Variants in EPCAM observed in about 807,000 individuals in gnomAD.
EPCAM encodes the protein adenocarcinoma-associated antigen.
EPCAM carries 39 observed loss-of-function variants against 40.0 expected under a neutral mutation model. That is an observed-to-expected ratio of 0.98 (90% CI 0.76 to 1.27). The LOEUF (loss-of-function observed/expected upper bound fraction) is 1.27, where lower values mean the gene tolerates loss of function less well. Ranked by LOEUF, EPCAM falls within the 50% of genes most tolerant of loss-of-function variation. The pLI, the probability that EPCAM is intolerant of heterozygous loss-of-function variation, is 0.00. For synonymous variants in EPCAM, 168 were observed against 132.3 expected (o/e 1.27, Z -1.85); for missense variants, 503 against 381.2 (o/e 1.32, Z -2.66).
intron 1 of EPCAM, 174 bp downstream of exon 1, chr2:47,369,755 A>G: frequency 1.3e-6 from 1 of 751,326 alleles, no homozygotes; most frequent in South Asian, 1.5e-5. Flanking sequence ...GCGCGGTAGG[A>G]AACGGCGAGG....
intron 8 of EPCAM, among the ~76,000 whole-genome samples, chr2:47,386,347 C>G (rs1206414414): frequency 6.6e-6 from 1 of 152,128 alleles, no homozygotes; most frequent in African/African-American, 2.4e-5. Context: ...CCAACTTGCC[C>G]TAGTCACTTT....
At chr2:47,376,970 G>A (rs2103753076) in intron 4 of EPCAM, 44 bp from the exon 5 acceptor site, 1 of 1,288,538 alleles carries the variant, frequency 7.8e-7, no homozygotes, top group Middle Eastern at 1.9e-4. Flanking sequence ...ACTGTTGTGT[G>A]GTACAAACAT....
At chr2:47,375,188 G>A (rs2103749835) in intron 3 of EPCAM, 46 bp from the exon 4 acceptor site, 2 of 1,381,950 alleles carry the variant, frequency 1.4e-6, no homozygotes, top group East Asian at 2.3e-5. Flanking sequence ...AAAATAGTAT[G>A]GAAGACTGAG....
intron 7 of EPCAM, among the ~76,000 whole-genome samples, chr2:47,380,697 G>A (rs1022819234): frequency 6.6e-6 from 1 of 152,194 alleles, no homozygotes; most frequent in African/African-American, 2.4e-5. Flanking sequence ...GTAAAGATGA[G>A]CAAATTGAAT....
intron 5 of EPCAM, chr2:47,377,612 A>G: frequency 7.5e-6 from 2 of 268,442 alleles, no homozygotes; most frequent in South Asian, 7.8e-5. Context: ...AAAACGTAGT[A>G]TCTCTTAGTA....
intron 5 of EPCAM, among the ~76,000 whole-genome samples, chr2:47,378,343 C>G (rs1224761746): frequency 6.7e-6 from 1 of 149,170 alleles, no homozygotes; most frequent in Non-Finnish European, 1.5e-5. Flanking sequence ...CTCTTGTTGC[C>G]CAGGCTGGAG....
chr2:47,379,145 T>TA (rs1671508137), intron 6 of EPCAM, 91 bp downstream of exon 6: 1 of 793,872 alleles, frequency 1.3e-6, no homozygotes, highest in African/African-American at 1.7e-5. Flanking sequence ...TTTATCCACT[T>TA]ACAGATCAAC....
Position 47,373,976 on chromosome 2 carries a change from GTGT to G in EPCAM, c.354_356del (p.Cys118_Val119delinsTrp). 6.2e-7 allele frequency: 1 copy of G among 1,614,180 alleles called. No homozygotes were observed. The highest frequency in any genetic ancestry group is 2.2e-5 in the East Asian group (1 of 44,890). ...TGCAACGGCACCTCCATGTGCTGGT[GTGT>G]GAACACTGCTGGGGTCAGAAGAACA... On this transcript the variant is annotated inframe_deletion, in exon 3 of 9. Coordinates refer to ENST00000263735, the MANE Select transcript of EPCAM (RefSeq NM_002354.3).
intron 8 of EPCAM, among the ~76,000 whole-genome samples, 196 bp downstream of exon 8, chr2:47,385,406 G>C (rs1671718274): frequency 6.6e-6 from 1 of 152,158 alleles, no homozygotes; most frequent in Admixed American, 6.5e-5. Flanking sequence ...ATCACCATCT[G>C]TTTTCTGCCT....
Position 47,373,521 on chromosome 2 carries a change from A to T in EPCAM, c.135A>T (p.Gln45His). Reference sequence around the variant, plus strand: ...ACTGCTTTGTGAATAATAATCGTCAATGCCAGTGTACTTCAGTTGGTGCAC... The same window carrying T: ...ACTGCTTTGTGAATAATAATCGTCATTGCCAGTGTACTTCAGTTGGTGCAC... ...AVNCFVNNNR[Q>H]CQCTSVGAQN... is the part of the protein sequence containing the mutation. Residue 45 changes from glutamine to histidine, a missense_variant, in exon 2 of 9, where the codon CAA becomes CAT. By Grantham distance (24) the Gln-to-His change is conservative (BLOSUM62 0). Transcript: ENST00000263735. 1 of 1,613,962 alleles carries T rather than the reference A, an allele frequency of 6.2e-7. No individual in the cohort carries two copies. Among genetic ancestry groups the T allele is most frequent in the Non-Finnish European group, 8.5e-7 (1 of 1,179,906 alleles).
In EPCAM at chr2:47,379,772, A is replaced by G. The variant is rs1245606860; in HGVS notation, c.661A>G (p.Lys221Glu). The G allele has an allele frequency of 1.9e-6, 3 of 1,612,852 alleles. No homozygotes were observed. The highest frequency in any genetic ancestry group is 1.7e-6 in the Non-Finnish European group (2 of 1,179,684). ...CCTTTTCTCCTTTTCAATACAGGTT[A>G]AAGGTGAATCCTTGTTTCATTCTAA... ...DVAYYFEKDV[K>E]GESLFHSKKM... Residue 221 changes from lysine (K) to glutamate (E), a missense_variant, in exon 7 of 9, where the codon AAA becomes GAA. Physicochemically the swap from Lys to Glu is moderately conservative, Grantham distance 56. Transcript: ENST00000263735.
At chr2:47,384,293 G>A (rs975010312) in intron 7 of EPCAM, among the ~76,000 whole-genome samples, 1 of 151,112 alleles carries the variant, frequency 6.6e-6, no homozygotes, top group African/African-American at 2.4e-5. Flanking sequence ...TAGTAGAGAT[G>A]AGGTTTCACA....
chr2:47,373,625 A>C, intron 2 of EPCAM, 55 bp downstream of exon 2: 1 of 1,465,106 alleles, frequency 6.8e-7, no homozygotes, highest in Non-Finnish European at 9.5e-7. Flanking sequence ...ATACTTCTTT[A>C]ATTGATGTGC....
At chr2:47,382,732 C>G (rs1671626099) in intron 7 of EPCAM, among the ~76,000 whole-genome samples, 1 of 152,020 alleles carries the variant, frequency 6.6e-6, no homozygotes, top group Admixed American at 6.6e-5. Context: ...GGAAAATAGC[C>G]TGAGTGTGTA....
At chr2:47,375,193 A>C in intron 3 of EPCAM, 41 bp from the exon 4 acceptor site, 2 of 1,414,602 alleles carry the variant, frequency 1.4e-6, no homozygotes, top group Non-Finnish European at 2.0e-6. Context: ...AGTATGGAAG[A>C]CTGAGTTATA....
At chr2:47,382,406 GCC>G (rs1442021569) in intron 7 of EPCAM, among the ~76,000 whole-genome samples, 2 of 152,220 alleles carry the variant, frequency 1.3e-5, no homozygotes, top group East Asian at 3.8e-4. Context: ...GGTGAATCTG[GCC>G]AGGCGTGGTG....
At chr2:47,372,375 C>G (rs545863796) in intron 1 of EPCAM, among the ~76,000 whole-genome samples, 1 of 151,882 alleles carries the variant, frequency 6.6e-6, no homozygotes, top group African/African-American at 2.4e-5. Flanking sequence ...TGGTGGCTCA[C>G]GTCTGTAATC....
At chr2:47,375,154 G>C (rs963662026) in intron 3 of EPCAM, 80 bp from the exon 4 acceptor site, 6 of 1,083,938 alleles carry the variant, frequency 5.5e-6, no homozygotes, top group Non-Finnish European at 8.4e-6. Flanking sequence ...TATAATTCGA[G>C]AATTTTAGGA....
intron 8 of EPCAM, 58 bp downstream of exon 8, chr2:47,385,268 C>T: frequency 7.5e-7 from 1 of 1,334,614 alleles, no homozygotes; most frequent in Non-Finnish European, 1.1e-6. Flanking sequence ...CTCCTAATCA[C>T]TCTACCTTCC....
Sources: allele counts gnomAD v4.1 joint callset (sites outside exome capture counted in the v4.1 genomes callset), GRCh38; gene constraint gnomAD v4.1.1; transcripts MANE v1.5; gene names NCBI Gene and HGNC (gene_info 2026-07-23, HGNC 2026-07-21).